STAU1: variants seen among roughly 807,000 people sequenced by gnomAD.
STAU1 encodes the protein staufen double-stranded RNA binding protein 1, also known as double-stranded RNA-binding protein Staufen homolog 1.
Under a neutral mutation model 62.9 loss-of-function variants are expected in STAU1, and 13 were observed. The observed-to-expected ratio is 0.21, with a 90% CI of 0.13 to 0.33. STAU1 has a LOEUF of 0.33. STAU1 is among the 10% of genes least tolerant of loss of function. STAU1 has a pLI of 1.00. For missense variants in STAU1, 571 were observed against 712.1 expected, an observed-to-expected ratio of 0.80 and a Z score of 2.25; for synonymous variants, 269 against 265.1, an observed-to-expected ratio of 1.01 and a Z score of -0.14.
At chr20:49,145,993 C>T (rs1326909427) in intron 5 of STAU1, among the ~76,000 whole-genome samples, 2 of 152,156 alleles carry the variant, frequency 1.3e-5, no homozygotes, top group Admixed American at 6.5e-5. Flanking sequence ...TCAGGCCAGG[C>T]GCTATGGCTC....
chr20:49,158,256 T>C (rs541394510), intron 3 of STAU1, among the ~76,000 whole-genome samples: 1 of 152,078 alleles, frequency 6.6e-6, no homozygotes, highest in Non-Finnish European at 1.5e-5. Flanking sequence ...CACTCCAGCC[T>C]GGGTGATGAC....
At chr20:49,177,697 T>G (rs1013538786) in intron 1 of STAU1, among the ~76,000 whole-genome samples, 1 of 151,052 alleles carries the variant, frequency 6.6e-6, no homozygotes, top group Admixed American at 6.6e-5. Flanking sequence ...AAAAAAAATT[T>G]TAAAACACAC....
chr20:49,182,133 G>A (rs913133878), intron 1 of STAU1, among the ~76,000 whole-genome samples: 1 of 152,204 alleles, frequency 6.6e-6, no homozygotes, highest in Non-Finnish European at 1.5e-5. Flanking sequence ...GGAGTTCCCT[G>A]AGTCTACTTC....
At chr20:49,218,304 A>G in the STAU1 span, among the ~76,000 whole-genome samples, 3 of 147,644 alleles carry the variant, frequency 2.0e-5, no homozygotes, top group African/African-American at 7.6e-5. Flanking sequence ...GGCTCACTGC[A>G]AGCTCTGCCT....
At chr20:49,131,279 T>C (rs140813819) in intron 6 of STAU1, among the ~76,000 whole-genome samples, 37 of 152,352 alleles carry the variant, frequency 2.4e-4, no homozygotes, top group Admixed American at 7.8e-4. Flanking sequence ...GGTGTGAGTC[T>C]GCATCAGACA....
intron 8 of STAU1, among the ~76,000 whole-genome samples, chr20:49,120,821 G>T (rs1045729898): frequency 1.3e-4 from 20 of 152,004 alleles, no homozygotes; most frequent in African/African-American, 4.8e-4. Flanking sequence ...GATAGACAGG[G>T]TCTCACTTCT....
chr20:49,185,324 G>C (rs73909800), intron 1 of STAU1, among the ~76,000 whole-genome samples: 177 of 152,298 alleles, frequency 1.2e-3, no homozygotes, highest in African/African-American at 4.1e-3. Context: ...GGGGAAATCT[G>C]TATTTGTTCG....
At chr20:49,203,634 T>C in the STAU1 span, among the ~76,000 whole-genome samples, 2 of 152,196 alleles carry the variant, frequency 1.3e-5, no homozygotes, top group South Asian at 2.1e-4. Flanking sequence ...AATATGCATA[T>C]ATAATTACAT....
Position 49,151,706 on chromosome 20 carries a change from A to G in STAU1, c.386T>C (p.Val129Ala), listed in dbSNP as rs900441524. ...PFPVPPLLYQ[V>A]ELSVGGQQFN... ...TTGCTGTCCTCCCACAGAAAGTTCC[A>G]CTTGATAAAGTAAAGGTGGAACTGG... Residue 129 changes from valine to alanine, a missense_variant, in exon 5 of 14, where the codon GTG (valine) becomes GCG (alanine). Val to Ala is a moderately conservative substitution (Grantham distance 64, BLOSUM62 0). Transcript: ENST00000371856. The G allele has an allele frequency of 9.3e-6, 15 of 1,610,864 alleles. No individual in the cohort carries two copies. The highest frequency in any genetic ancestry group is 1.3e-5 in the African/African-American group (1 of 74,724).
Position 49,120,092 on chromosome 20 carries a change from T to C in STAU1, c.1003A>G (p.Thr335Ala), listed in dbSNP as rs1600603649. ...VGNHTAEGTG[T>A]NKKVAKRNAA... ...TTGCGCTTGGCCACCTTCTTGTTGG[T>C]GCCCGTTCCTTCTGCAGTGTGGTTT... The change falls in exon 9 of 14, where the codon ACC (threonine) becomes GCC (alanine). Residue 335 changes from threonine to alanine, a missense_variant. By Grantham distance (58) the Thr-to-Ala change is moderately conservative (BLOSUM62 0). Coordinates refer to ENST00000371856, the MANE Select transcript of STAU1 (RefSeq NM_017453.4). The C allele has an allele frequency of 1.9e-6, 3 of 1,614,160 alleles. No individual in the cohort carries two copies. The East Asian group carries it at 6.7e-5, about 36-fold the overall frequency.
intron 5 of STAU1, among the ~76,000 whole-genome samples, chr20:49,145,517 G>C (rs138169421): frequency 0.018 from 2,652 of 148,422 alleles, 29 homozygotes; most frequent in Non-Finnish European, 0.027. Flanking sequence ...TGGATCACAA[G>C]GTCAGGAGAT....
At chr20:49,191,445 G>A (rs907582233), upstream of STAU1, among the ~76,000 whole-genome samples, 1 of 152,132 alleles carries the variant, frequency 6.6e-6, no homozygotes. Context: ...TGACAGCAGA[G>A]ACTCAGCCTG....
At position 49,128,155 on chromosome 20, in the gene STAU1, A is replaced by G. The variant is rs530484870; in HGVS notation, c.610-3568T>C. 9.0e-3 allele frequency among the ~76,000 whole-genome samples: 503 copies of G among 55,664 alleles called. 3 individuals carry two copies. The highest frequency in any genetic ancestry group is 0.026 in the African/African-American group (478 of 18,256). The allele number at this position is 55,664 out of a possible 152,430, so 36.5% of individuals were successfully genotyped here. ...CAAGAGCGAAACTCTGTCTCAGAGG[A>G]AAAAAAAAAAATACAAAAATTAGCC... On this transcript the variant is annotated intron_variant, in intron 6 of 13. Transcript: ENST00000371856.
At chr20:49,182,963 T>C (rs1475208592) in intron 1 of STAU1, among the ~76,000 whole-genome samples, 1 of 152,124 alleles carries the variant, frequency 6.6e-6, no homozygotes, top group African/African-American at 2.4e-5. Context: ...ATGTTTGAAA[T>C]TTTTCATAAT....
At chr20:49,210,395 AG>A in the STAU1 span, 2 of 455,026 alleles carry the variant, frequency 4.4e-6, no homozygotes, top group East Asian at 1.4e-4. Context: ...TTCTCATTCC[AG>A]GGGGCAAATG....
chr20:49,126,308 T>TC (rs1330004109), intron 6 of STAU1, among the ~76,000 whole-genome samples: 1 of 151,664 alleles, frequency 6.6e-6, no homozygotes, highest in African/African-American at 2.4e-5. Context: ...ATGCCTGTAA[T>TC]CCCAACGCTC....
At chr20:49,172,638 A>G (rs1272572609) in intron 2 of STAU1, among the ~76,000 whole-genome samples, 4 of 152,216 alleles carry the variant, frequency 2.6e-5, no homozygotes, top group Non-Finnish European at 5.9e-5. Context: ...ATCTTCATGC[A>G]AAACAGACCA....
upstream of STAU1, among the ~76,000 whole-genome samples, chr20:49,189,295 G>A (rs1233801867): frequency 1.3e-5 from 2 of 148,558 alleles, no homozygotes; most frequent in Non-Finnish European, 3.0e-5. Context: ...AAACTAAGTG[G>A]TTTTTAGCAG....
chr20:49,169,799 C>T (rs900689581), intron 2 of STAU1, among the ~76,000 whole-genome samples: 3 of 152,144 alleles, frequency 2.0e-5, no homozygotes, highest in Non-Finnish European at 2.9e-5. Context: ...GCTTTAGACA[C>T]CAGATCAACA....
Sources: allele counts gnomAD v4.1 joint callset (sites outside exome capture counted in the v4.1 genomes callset), GRCh38; gene constraint gnomAD v4.1.1; transcripts MANE v1.5; gene names NCBI Gene and HGNC (gene_info 2026-07-23, HGNC 2026-07-21).